Variants in GAREM1 observed in about 807,000 individuals in gnomAD.
GAREM1 encodes the protein GRB2-associated and regulator of MAPK protein 1.
Under a neutral mutation model 71.3 loss-of-function variants are expected in GAREM1, and 26 were observed. That is an observed-to-expected ratio of 0.36 (90% CI 0.27 to 0.51). GAREM1 has a LOEUF of 0.51. GAREM1 is among the 20% of genes least tolerant of loss of function. The pLI is 0.95. For missense variants in GAREM1, 1,026 were observed against 1,103.1 expected, an observed-to-expected ratio of 0.93 and a Z score of 0.99; for synonymous variants, 440 against 433.2, an observed-to-expected ratio of 1.02 and a Z score of -0.20.
chr18:32,331,674 A>G (rs1445825968), intron 2 of GAREM1: 1 of 152,192 alleles, frequency 6.6e-6, no homozygotes, highest in Non-Finnish European at 1.5e-5. Context: ...CGCATCTATA[A>G]CAAGTTCCCA....
intron 4 of GAREM1, among the ~76,000 whole-genome samples, chr18:32,284,752 C>CTTTTTTTTTTTTTTTTTT (rs34946592): frequency 4.1e-5 from 5 of 121,246 alleles, no homozygotes; most frequent in African/African-American, 1.8e-4. Context: ...TGCCCCCTTA[C>CTTTTTTTTTTTTTTTTTT]TTTTTTTTTT....
chr18:32,283,262 T>G (rs1276393047), intron 4 of GAREM1, among the ~76,000 whole-genome samples: 1 of 152,166 alleles, frequency 6.6e-6, no homozygotes, highest in Non-Finnish European at 1.5e-5. Flanking sequence ...TTATTAAACA[T>G]GGCTGGGCGC....
chr18:32,417,466 C>G (rs913005405), intron 1 of GAREM1, among the ~76,000 whole-genome samples: 8 of 152,122 alleles, frequency 5.3e-5, no homozygotes, highest in African/African-American at 1.9e-4. Flanking sequence ...GCGGAAGCAA[C>G]CTAAGCATCC....
At chr18:32,288,565 T>C (rs1005113594) in intron 3 of GAREM1, among the ~76,000 whole-genome samples, 2 of 151,640 alleles carry the variant, frequency 1.3e-5, no homozygotes, top group African/African-American at 4.8e-5. Context: ...ATTTTTTACT[T>C]TTTAAAATTT....
Position 32,287,163 on chromosome 18 carries a change from A to G in GAREM1, c.1434T>C (p.Cys478=). Residue 478 remains cysteine, a synonymous_variant, in exon 4 of 6, where the codon TGT becomes TGC. Transcript: ENST00000269209. This position sits in a 1 kb window ranked among gnomAD's most constrained non-coding sequence, Gnocchi z 5.9. ...LTRSLSEKNR[C]DQFRGSVRSK... is the part of the protein sequence containing the mutation. ...ATCGGACAGAACCTCTAAACTGATC[A>G]CATCTGTTCTTCTCGCTCAGAGAGC... The G allele has an allele frequency of 6.2e-7, 1 of 1,614,216 alleles. No homozygotes were observed. The highest frequency in any genetic ancestry group is 8.5e-7 in the Non-Finnish European group (1 of 1,180,026).
At chr18:32,448,441 G>C (rs1307477566) in intron 1 of GAREM1, among the ~76,000 whole-genome samples, 1 of 152,120 alleles carries the variant, frequency 6.6e-6, no homozygotes. Flanking sequence ...TGATGGCACT[G>C]GCCTGTTTCT....
intron 4 of GAREM1, among the ~76,000 whole-genome samples, chr18:32,271,368 T>C (rs1013446280): frequency 6.6e-5 from 10 of 152,024 alleles, no homozygotes; most frequent in African/African-American, 2.4e-4. Context: ...AATTTTTGTA[T>C]TTTTAGTAGA....
rs530100847 is a variant in GAREM1 at position 32,334,121 on chromosome 18, C to T, written c.263-23798G>A. 2.0e-5 allele frequency among the ~76,000 whole-genome samples: 3 copies of T among 152,294 alleles called. No homozygotes were observed. In the South Asian group the frequency reaches 6.2e-4, roughly 32 times the overall value. On this transcript the variant is annotated intron_variant, in intron 2 of 5. Coordinates refer to ENST00000269209, the MANE Select transcript of GAREM1 (RefSeq NM_001242409.2). ...GAGAGAGAGAAAGAGCAGAAACCCA[C>T]ACAAACTGTAACCCAGCCAGATACT... is the stretch of plus-strand genomic sequence containing the variant.
intron 1 of GAREM1, among the ~76,000 whole-genome samples, chr18:32,404,520 T>A (rs1386454942): frequency 3.9e-5 from 6 of 152,138 alleles, no homozygotes; most frequent in African/African-American, 7.2e-5. Flanking sequence ...GTTAATTCTA[T>A]AAGTTGTGTG....
At chr18:32,395,746 A>G (rs961111871) in intron 1 of GAREM1, among the ~76,000 whole-genome samples, 4 of 152,236 alleles carry the variant, frequency 2.6e-5, no homozygotes, top group African/African-American at 9.6e-5. Context: ...GGCAGGGCAT[A>G]GCCGAACAAA....
chr18:32,454,029 T>C lies in GAREM1; in HGVS notation c.121+16279A>G, dbSNP rs566470369. Among the ~76,000 whole-genome samples the C allele has an allele frequency of 4.6e-5, 7 of 152,232 alleles. No homozygotes were observed. In the South Asian group the frequency reaches 1.5e-3, roughly 32 times the overall value. ...TATTCTTTAAAGTTGGAAAACGTAA[T>C]ATGAGAAAAAATTACACTATGGTTG... On this transcript the variant is annotated intron_variant, in intron 1 of 5. Transcript: ENST00000269209.
At chr18:32,291,104 GCTGA>G (rs960751892) in intron 3 of GAREM1, among the ~76,000 whole-genome samples, 9 of 151,990 alleles carry the variant, frequency 5.9e-5, no homozygotes, top group Admixed American at 2.6e-4. Flanking sequence ...AATATAGGAG[GCTGA>G]CTGAATAAAC....
At chr18:32,410,913 G>A (rs975517008) in intron 1 of GAREM1, among the ~76,000 whole-genome samples, 1 of 152,018 alleles carries the variant, frequency 6.6e-6, no homozygotes, top group Non-Finnish European at 1.5e-5. Context: ...AGCGATTCTC[G>A]TGCTTCAGCT....
chr18:32,355,671 A>C (rs1240817141), intron 2 of GAREM1, among the ~76,000 whole-genome samples: 1 of 152,196 alleles, frequency 6.6e-6, no homozygotes, highest in Non-Finnish European at 1.5e-5. Flanking sequence ...ACTTTTTTCT[A>C]GTACCTTGAC....
intron 1 of GAREM1, among the ~76,000 whole-genome samples, chr18:32,446,168 A>ATTGTG (rs1413417798): frequency 2.4e-4 from 37 of 152,230 alleles, no homozygotes; most frequent in African/African-American, 8.9e-4. Context: ...TTACTAGTAC[A>ATTGTG]CAATAAATGG....
At chr18:32,367,100 C>T (rs949724733) in intron 2 of GAREM1, among the ~76,000 whole-genome samples, 1 of 152,170 alleles carries the variant, frequency 6.6e-6, no homozygotes, top group Admixed American at 6.5e-5. Flanking sequence ...AACATAAAAA[C>T]AGGACACTGT....
In GAREM1 at chr18:32,265,647, G is replaced by C. The variant is rs991486573; in HGVS notation, c.*2224C>G. 2.0e-5 allele frequency: 3 copies of C among 152,016 alleles called. No homozygotes were observed. The highest frequency in any genetic ancestry group is 4.4e-5 in the Non-Finnish European group (3 of 67,996). The allele number at this position is 152,016 out of a possible 1,614,324, so 9.4% of individuals were successfully genotyped here. A position where few individuals can be genotyped will look rare whatever the true frequency, so the allele number is the denominator to read the frequency against. On this transcript the variant is annotated 3_prime_UTR_variant, in exon 6 of 6. Transcript: ENST00000269209. Reference sequence around the variant, plus strand: ...TATAAACTTGACAAAAATACACCAAGTCCAAAACAAGCAAAAAGAATTTAA... The same window carrying C: ...TATAAACTTGACAAAAATACACCAACTCCAAAACAAGCAAAAAGAATTTAA...
intron 2 of GAREM1, among the ~76,000 whole-genome samples, chr18:32,343,463 C>T (rs1003827564): frequency 3.3e-5 from 5 of 151,848 alleles, no homozygotes; most frequent in Non-Finnish European, 4.4e-5. Flanking sequence ...TACAGGCACC[C>T]GCCAATTTTG....
chr18:32,344,287 C>T (rs759864403), intron 2 of GAREM1, among the ~76,000 whole-genome samples: 5 of 152,134 alleles, frequency 3.3e-5, no homozygotes, highest in African/African-American at 1.2e-4. Context: ...GGTCCTGAAC[C>T]ACTGACCTCT....
Sources: gnomAD v4.1 joint callset for allele counts (sites outside exome capture counted in the v4.1 genomes callset) on GRCh38, gnomAD v4.1.1 for gene constraint, Gnocchi (gnomAD v3.1) non-coding constraint, MANE v1.5 for transcripts, NCBI Gene and HGNC (gene_info 2026-07-23, HGNC 2026-07-21) for gene names.